The following TBL1XR1 variants were observed in gnomAD, a reference collection of about 807,000 sequenced individuals.
The protein encoded by TBL1XR1 is F-box-like/WD repeat-containing protein TBL1XR1.
TBL1XR1 carries 5 observed loss-of-function variants against 66.9 expected under a neutral mutation model. The ratio of observed to expected loss-of-function variants is 0.07; its 90% CI spans 0.04 to 0.16. The LOEUF is 0.16. TBL1XR1 is among the 10% of genes least tolerant of loss of function. TBL1XR1 has a pLI of 1.00. For synonymous variants in TBL1XR1, 210 were observed against 206.0 expected (o/e 1.02, Z -0.17); for missense variants, 238 against 623.2 (o/e 0.38, Z 6.58).
At chr3:177,084,105 A>AAAAAAAAAG (rs1721824569) in intron 2 of TBL1XR1, among the ~76,000 whole-genome samples, 1 of 151,720 alleles carries the variant, frequency 6.6e-6, no homozygotes, top group African/African-American at 2.4e-5. Context: ...AAAAAAAAGA[A>AAAAAAAAAG]AAAAGAAAAG....
chr3:177,089,927 A>G (rs1381935215), intron 2 of TBL1XR1, among the ~76,000 whole-genome samples: 1 of 152,260 alleles, frequency 6.6e-6, no homozygotes, highest in African/African-American at 2.4e-5. Flanking sequence ...CTATCAGATT[A>G]AAAGACATAT....
At chr3:177,155,264 C>T (rs1731354537) in intron 1 of TBL1XR1, among the ~76,000 whole-genome samples, 1 of 152,102 alleles carries the variant, frequency 6.6e-6, no homozygotes, top group South Asian at 2.1e-4. Context: ...AGCAGTGAAA[C>T]TAAACTGTCT....
intron 2 of TBL1XR1, among the ~76,000 whole-genome samples, chr3:177,069,786 A>AAG (rs1560138697): frequency 1.5e-4 from 12 of 79,314 alleles, no homozygotes; most frequent in African/African-American, 4.7e-4. Flanking sequence ...AGGAAGGAAA[A>AAG]GGAAGGAAAG....
chr3:177,042,712 C>T (rs1715758044), intron 10 of TBL1XR1, among the ~76,000 whole-genome samples: 1 of 152,080 alleles, frequency 6.6e-6, no homozygotes, highest in Admixed American at 6.5e-5. Flanking sequence ...ATACCCATCT[C>T]ATTTTACACA....
At chr3:177,173,752 G>A in intron 1 of TBL1XR1, among the ~76,000 whole-genome samples, 1 of 152,190 alleles carries the variant, frequency 6.6e-6, no homozygotes, top group East Asian at 1.9e-4. Context: ...CATTTCTTAG[G>A]TTTGATAAAT....
chr3:177,048,327 C>G (rs1716596916), intron 7 of TBL1XR1, among the ~76,000 whole-genome samples: 1 of 152,196 alleles, frequency 6.6e-6, no homozygotes, highest in African/African-American at 2.4e-5. Flanking sequence ...TTATAGTAAA[C>G]AGACTATTGC....
chr3:177,148,834 G>T (rs952027271), intron 1 of TBL1XR1, among the ~76,000 whole-genome samples: 1 of 151,984 alleles, frequency 6.6e-6, no homozygotes. Flanking sequence ...GAGAAACCCT[G>T]CCTCTACTAA....
chr3:177,144,721 C>A (rs574472965), intron 1 of TBL1XR1, among the ~76,000 whole-genome samples: 101 of 151,914 alleles, frequency 6.6e-4, no homozygotes, highest in African/African-American at 2.3e-3. Context: ...CCACTGCACT[C>A]CAGCCTGGGC....
intron 2 of TBL1XR1, among the ~76,000 whole-genome samples, chr3:177,090,126 T>C (rs938140506): frequency 6.6e-6 from 1 of 152,200 alleles, no homozygotes; most frequent in Non-Finnish European, 1.5e-5. Flanking sequence ...TGGAGTAGAA[T>C]GCAGCTGTAA....
chr3:177,071,031 G>GTTTTGTTTTTT (rs768177980), intron 2 of TBL1XR1, among the ~76,000 whole-genome samples: 4 of 104,716 alleles, frequency 3.8e-5, no homozygotes, highest in East Asian at 3.3e-4. Context: ...CTGAGAATCT[G>GTTTTGTTTTTT]TTTTTTTTTT....
intron 2 of TBL1XR1, among the ~76,000 whole-genome samples, chr3:177,070,391 G>C (rs1719815022): frequency 6.6e-6 from 1 of 152,112 alleles, no homozygotes; most frequent in South Asian, 2.1e-4. Context: ...TACAGTCAAG[G>C]TATATCAACA....
chr3:177,199,009 C>A (rs146457852), upstream of TBL1XR1, among the ~76,000 whole-genome samples: 447 of 152,174 alleles, frequency 2.9e-3, 3 homozygotes, highest in African/African-American at 0.01. Context: ...CCCCCCTGAG[C>A]CCTTGCTTGG....
At chr3:177,195,264 C>T (rs1736684230) in intron 1 of TBL1XR1, among the ~76,000 whole-genome samples, 4 of 151,946 alleles carry the variant, frequency 2.6e-5, no homozygotes, top group South Asian at 2.1e-4. Flanking sequence ...ACACATCACA[C>T]GCCTAACTGC....
At chr3:177,081,852 T>C (rs1721440041) in intron 2 of TBL1XR1, among the ~76,000 whole-genome samples, 1 of 152,026 alleles carries the variant, frequency 6.6e-6, no homozygotes, top group South Asian at 2.1e-4. Flanking sequence ...GTATATATAA[T>C]ATACAATATA....
At chr3:177,143,766 G>A (rs1729907050) in intron 1 of TBL1XR1, among the ~76,000 whole-genome samples, 1 of 152,142 alleles carries the variant, frequency 6.6e-6, no homozygotes, top group Non-Finnish European at 1.5e-5. Context: ...TATATAAGAT[G>A]GGTCTCTGAT....
At chr3:177,198,831 A>G (rs1737249300), upstream of TBL1XR1, among the ~76,000 whole-genome samples, 1 of 151,764 alleles carries the variant, frequency 6.6e-6, no homozygotes, top group Non-Finnish European at 1.5e-5. Context: ...AGCAACCATC[A>G]TTTCCTCTCA....
In TBL1XR1 at chr3:177,135,307, C is replaced by CTGTCTGTGTGTGTGTGTGTGTGTGTG. The variant is rs1553852678; in HGVS notation, c.-121-36767_-121-36766insCACACACACACACACACACACAGACA. Reference sequence around the variant, plus strand: ...GTGAGCCACCGCACAAGGCCGCACTCTGTGTGTGTGTGTGTGTGTGTGTGT... The same window carrying CTGTCTGTGTGTGTGTGTGTGTGTGTG: ...GTGAGCCACCGCACAAGGCCGCACTCTGTCTGTGTGTGTGTGTGTGTGTGTGTGTGTGTGTGTGTGTGTGTGTGTGT... On this transcript the variant is annotated intron_variant, in intron 1 of 15. Transcript: ENST00000457928. 1.8e-4 allele frequency among the ~76,000 whole-genome samples: 13 copies of CTGTCTGTGTGTGTGTGTGTGTGTGTG among 72,598 alleles called. 2 individuals carry two copies. The highest frequency in any genetic ancestry group is 4.7e-4 in the African/African-American group (9 of 19,198). 47.6% of individuals were successfully genotyped at this position (72,598 alleles called of 152,430 possible). A position where few individuals can be genotyped will look rare whatever the true frequency, so the allele number is the denominator to read the frequency against.
At chr3:177,119,335 C>T (rs1277632931) in intron 1 of TBL1XR1, among the ~76,000 whole-genome samples, 1 of 152,204 alleles carries the variant, frequency 6.6e-6, no homozygotes, top group Non-Finnish European at 1.5e-5. Flanking sequence ...TATTTACACC[C>T]TACCCAATTT....
At chr3:177,167,354 C>T (rs1384751939) in intron 1 of TBL1XR1, among the ~76,000 whole-genome samples, 1 of 152,066 alleles carries the variant, frequency 6.6e-6, no homozygotes, top group Non-Finnish European at 1.5e-5. Context: ...ATAGGTGAAG[C>T]ACAAAAAATG....
Sources: gnomAD v4.1 joint callset for allele counts (sites outside exome capture counted in the v4.1 genomes callset) on GRCh38, gnomAD v4.1.1 for gene constraint, MANE v1.5 for transcripts, NCBI Gene and HGNC (gene_info 2026-07-23, HGNC 2026-07-21) for gene names.